The following WDFY3 variants were observed in gnomAD, a reference collection of about 807,000 sequenced individuals.
WDFY3 encodes the protein WD repeat and FYVE domain-containing protein 3.
In WDFY3, 66 loss-of-function variants were observed where a neutral mutation model predicts 409.6. The observed-to-expected ratio is 0.16, with a 90% CI of 0.13 to 0.20. WDFY3 has a LOEUF of 0.20. Among genes scored for constraint, WDFY3 ranks in the 10% least tolerant of loss-of-function variants. The probability of loss-of-function intolerance (pLI) is 1.00; values close to 1 mark genes in which losing one functional copy is unlikely to be tolerated. For missense variants in WDFY3, 3,031 were observed against 4,298.1 expected (o/e 0.71, Z 8.24); for synonymous variants, 1,521 against 1,537.1 (o/e 0.99, Z 0.25).
intron 2 of WDFY3, among the ~76,000 whole-genome samples, chr4:84,926,777 A>G (rs1770050882): frequency 6.6e-6 from 1 of 152,206 alleles, no homozygotes; most frequent in Non-Finnish European, 1.5e-5. Context: ...CTAAGAGCAT[A>G]AGCTTAAACC....
chr4:84,692,864 G>C, intron 59 of WDFY3, 21 bp downstream of exon 59: 3 of 1,577,752 alleles, frequency 1.9e-6, no homozygotes, highest in Non-Finnish European at 2.6e-6. Flanking sequence ...TTAATCAAAA[G>C]TTTATTTCTC....
At position 84,757,100 on chromosome 4, in the gene WDFY3, A is replaced by G. The variant is rs1741595559; in HGVS notation, c.5250T>C (p.Ala1750=). Residue 1750 remains alanine, a synonymous_variant, in exon 33 of 68, where the codon GCT becomes GCC. Coordinates refer to ENST00000295888, the MANE Select transcript of WDFY3 (RefSeq NM_014991.6). ...GGACTGGAAAACCAGGAAAATGACA[A>G]GCATCTCGGTTAATCTCCCTGACCG... ...RSTVREINRD[A]CHFPGFPVLQ... 5 of 1,614,078 alleles carry G rather than the reference A, an allele frequency of 3.1e-6. No homozygotes were observed. The highest frequency in any genetic ancestry group is 2.2e-5 in the East Asian group (1 of 44,872).
intron 37 of WDFY3, 69 bp downstream of exon 37, chr4:84,743,631 T>C: frequency 1.7e-6 from 2 of 1,194,632 alleles, no homozygotes; most frequent in Non-Finnish European, 1.1e-6. Flanking sequence ...TGTTAAAAAG[T>C]AGTTTTACTT....
chr4:84,939,014 G>A (rs920652160), intron 1 of WDFY3, among the ~76,000 whole-genome samples: 4 of 151,830 alleles, frequency 2.6e-5, no homozygotes, highest in South Asian at 2.1e-4. Context: ...TTTTTCAATT[G>A]ATCCAATAAC....
At chr4:84,778,924 AT>A (rs1028458970) in intron 26 of WDFY3, among the ~76,000 whole-genome samples, 5 of 152,210 alleles carry the variant, frequency 3.3e-5, no homozygotes, top group Admixed American at 3.3e-4. Context: ...TTTCAATTCC[AT>A]TATAAATATG....
At chr4:84,854,729 T>A (rs1411212113) in intron 4 of WDFY3, among the ~76,000 whole-genome samples, 1 of 152,126 alleles carries the variant, frequency 6.6e-6, no homozygotes, top group Non-Finnish European at 1.5e-5. Flanking sequence ...GCCAACATGG[T>A]GAAACCCCAT....
chr4:84,928,545 G>C (rs1022707198), intron 2 of WDFY3, among the ~76,000 whole-genome samples: 1 of 152,138 alleles, frequency 6.6e-6, no homozygotes, highest in Admixed American at 6.5e-5. Flanking sequence ...TAAATGGTAA[G>C]AACTGCTAGC....
chr4:84,731,331 A>C (rs1368360962), intron 44 of WDFY3, among the ~76,000 whole-genome samples: 2 of 152,216 alleles, frequency 1.3e-5, no homozygotes, highest in Admixed American at 1.3e-4. Flanking sequence ...ATTCCAAAAG[A>C]TACAAGTTGA....
chr4:84,876,119 T>C (rs1762746781), intron 3 of WDFY3, among the ~76,000 whole-genome samples: 1 of 152,224 alleles, frequency 6.6e-6, no homozygotes, highest in Admixed American at 6.5e-5. Context: ...GAAGGCTTGT[T>C]TACACCAGCA....
chr4:84,819,975 C>T, intron 12 of WDFY3, 110 bp downstream of exon 12: 1 of 966,222 alleles, frequency 1.0e-6, no homozygotes, highest in South Asian at 2.0e-5. Context: ...ATCACTGAAT[C>T]AATAGTTTTT....
intron 65 of WDFY3, 28 bp from the exon 66 acceptor site, chr4:84,678,307 A>G (rs369651592): frequency 1.3e-5 from 20 of 1,555,160 alleles, no homozygotes; most frequent in Non-Finnish European, 1.6e-5. Flanking sequence ...AGGACACAAC[A>G]TAACTCAACT....
intron 60 of WDFY3, among the ~76,000 whole-genome samples, 194 bp from the exon 61 acceptor site, chr4:84,690,858 T>G (rs1391287703): frequency 6.6e-6 from 1 of 152,116 alleles, no homozygotes; most frequent in Non-Finnish European, 1.5e-5. Flanking sequence ...TCCAAACTAT[T>G]GTTGCTGCTG....
chr4:84,943,297 C>T (rs990767294), intron 1 of WDFY3, among the ~76,000 whole-genome samples: 7 of 151,966 alleles, frequency 4.6e-5, no homozygotes, highest in African/African-American at 1.5e-4. Context: ...GTCAGGAGAT[C>T]GAGACCATCC....
chr4:84,670,496 G>A lies in WDFY3; in HGVS notation c.*2372C>T, dbSNP rs892115099. 1 of 152,672 alleles carries A rather than the reference G, an allele frequency of 6.5e-6. No individual in the cohort carries two copies. The highest frequency in any genetic ancestry group is 1.5e-5 in the Non-Finnish European group (1 of 68,050). 9.5% of individuals were successfully genotyped at this position (152,672 alleles called of 1,614,324 possible). A position where few individuals can be genotyped will look rare whatever the true frequency, so the allele number is the denominator to read the frequency against. On this transcript the variant is annotated 3_prime_UTR_variant, in exon 68 of 68. Transcript: ENST00000295888. ...TTGCCCACAGCACCAGCTGCCAGAG[G>A]AAATACTACCATGAGGGTTTTGGTT...
At chr4:84,930,050 C>A (rs929545551) in intron 2 of WDFY3, among the ~76,000 whole-genome samples, 5 of 152,068 alleles carry the variant, frequency 3.3e-5, no homozygotes, top group African/African-American at 1.2e-4. Flanking sequence ...AGGAGCCAAC[C>A]CTGCAACACT....
chr4:84,756,195 G>A lies in WDFY3; in HGVS notation c.5424+731C>T, dbSNP rs557239268. Reference sequence around the variant, plus strand: ...TTAAGTAATTTTTTTTTCCTAATCCGAATTTGCACTGAGAATCCTGTCATA... The same window carrying A: ...TTAAGTAATTTTTTTTTCCTAATCCAAATTTGCACTGAGAATCCTGTCATA... On this transcript the variant is annotated intron_variant, in intron 33 of 67. Coordinates refer to ENST00000295888, the MANE Select transcript of WDFY3 (RefSeq NM_014991.6). Among the ~76,000 whole-genome samples the A allele has an allele frequency of 7.9e-5, 12 of 151,934 alleles. No homozygotes were observed. In the East Asian group the frequency reaches 1.9e-3, roughly 25 times the overall value.
chr4:84,739,637 A>G (rs1738053597), intron 39 of WDFY3, among the ~76,000 whole-genome samples: 1 of 152,168 alleles, frequency 6.6e-6, no homozygotes, highest in Non-Finnish European at 1.5e-5. Context: ...CTTTCAGGTT[A>G]GGGGCCCCTC....
chr4:84,682,527 T>G (rs1431727875), intron 63 of WDFY3, 57 bp from the exon 64 acceptor site: 3 of 1,341,728 alleles, frequency 2.2e-6, no homozygotes, highest in East Asian at 4.8e-5. Context: ...AGGAACCAAT[T>G]TACATTACTC....
intron 17 of WDFY3, among the ~76,000 whole-genome samples, chr4:84,800,773 A>C (rs1040897961): frequency 6.6e-6 from 1 of 152,190 alleles, no homozygotes; most frequent in Non-Finnish European, 1.5e-5. Context: ...GATTCTCATA[A>C]GGAGTGCCCA....
Sources: allele counts gnomAD v4.1 joint callset (sites outside exome capture counted in the v4.1 genomes callset), GRCh38; gene constraint gnomAD v4.1.1; transcripts MANE v1.5; gene names NCBI Gene and HGNC (gene_info 2026-07-23, HGNC 2026-07-21).